The following TMC1 variants were observed in gnomAD, a reference collection of about 807,000 sequenced individuals.
TMC1 encodes transmembrane channel-like protein 1.
TMC1 carries 84 observed loss-of-function variants against 105.8 expected under a neutral mutation model. The observed-to-expected ratio is 0.79, with a 90% CI of 0.67 to 0.95. The LOEUF is 0.95. Among genes scored for constraint, TMC1 ranks in the 40% least tolerant of loss-of-function variants. TMC1 has a pLI of 0.00. For synonymous variants in TMC1, 315 were observed against 311.5 expected (o/e 1.01, Z -0.12); for missense variants, 817 against 914.1 (o/e 0.89, Z 1.37).
intron 3 of TMC1, among the ~76,000 whole-genome samples, chr9:72,622,321 G>C (rs1825267513): frequency 6.6e-6 from 1 of 152,172 alleles, no homozygotes; most frequent in South Asian, 2.1e-4. Context: ...ATGATAGATT[G>C]CTTTTATGGA....
At chr9:72,742,588 C>G in intron 10 of TMC1, 63 bp downstream of exon 10, 3 of 1,330,282 alleles carry the variant, frequency 2.3e-6, no homozygotes, top group Non-Finnish European at 3.2e-6. Flanking sequence ...ATAAGCTTAT[C>G]AGATGCCTTT....
intron 1 of TMC1, among the ~76,000 whole-genome samples, chr9:72,569,400 A>G (rs1824228791): frequency 6.6e-6 from 1 of 152,166 alleles, no homozygotes; most frequent in Admixed American, 6.5e-5. Flanking sequence ...AACAGCTTCT[A>G]TTTGGTATAC....
In TMC1 at chr9:72,735,070, C is replaced by T. The variant is rs572636406; in HGVS notation, c.363-5049C>T. 5.9e-5 allele frequency among the ~76,000 whole-genome samples: 9 copies of T among 152,278 alleles called. No homozygotes were observed. The East Asian group carries it at 7.7e-4, about 13-fold the overall frequency. ...CTTATTATTCTAATTACCAACACAA[C>T]GGATTGATAAATGAATGATGAGGCC... On this transcript the variant is annotated intron_variant, in intron 8 of 23. Coordinates refer to ENST00000297784, the MANE Select transcript of TMC1 (RefSeq NM_138691.3).
At chr9:72,609,228 CCTTT>C (rs1824982307) in intron 2 of TMC1, among the ~76,000 whole-genome samples, 2 of 142,170 alleles carry the variant, frequency 1.4e-5, no homozygotes, top group Non-Finnish European at 3.1e-5. Context: ...TTCCTTCCTT[CCTTT>C]TTGCTATTAA....
chr9:72,528,600 C>A (rs1823446219), intron 1 of TMC1, among the ~76,000 whole-genome samples: 1 of 152,134 alleles, frequency 6.6e-6, no homozygotes, highest in African/African-American at 2.4e-5. Context: ...TCCCAAAGTG[C>A]TAGGGTTACA....
intron 12 of TMC1, among the ~76,000 whole-genome samples, chr9:72,760,945 C>T (rs866508674): frequency 4.6e-5 from 7 of 152,170 alleles, no homozygotes; most frequent in African/African-American, 1.7e-4. Flanking sequence ...AAATTCTCTT[C>T]AGTTAATAGT....
chr9:72,773,893 T>A (rs1827969141), intron 13 of TMC1, among the ~76,000 whole-genome samples: 1 of 152,182 alleles, frequency 6.6e-6, no homozygotes, highest in South Asian at 2.1e-4. Context: ...AACAGATGGC[T>A]CAACTGCTTT....
At chr9:72,639,607 A>G (rs961648780) in intron 4 of TMC1, among the ~76,000 whole-genome samples, 3 of 152,212 alleles carry the variant, frequency 2.0e-5, no homozygotes, top group Non-Finnish European at 4.4e-5. Context: ...GCTGGTCTTC[A>G]GATATGTTGG....
intron 2 of TMC1, among the ~76,000 whole-genome samples, chr9:72,610,309 A>T (rs1825003063): frequency 6.6e-6 from 1 of 152,206 alleles, no homozygotes; most frequent in Admixed American, 6.5e-5. Context: ...TCATTATAAG[A>T]AATTGGCTCA....
chr9:72,663,275 T>C (rs900165728), intron 5 of TMC1, among the ~76,000 whole-genome samples: 5 of 152,154 alleles, frequency 3.3e-5, no homozygotes, highest in African/African-American at 1.2e-4. Context: ...ACAGGACTGG[T>C]TGGTGGGTCC....
At chr9:72,772,299 C>A in intron 12 of TMC1, 114 bp from the exon 13 acceptor site, 1 of 1,342,694 alleles carries the variant, frequency 7.4e-7, no homozygotes, top group Non-Finnish European at 1.1e-6. Flanking sequence ...CATGTCAGAG[C>A]TGTGACCCAA....
rs1210996950 is a variant in TMC1, at chr9:72,699,172, A to T, written c.237-1346A>T. On this transcript the variant is annotated intron_variant, in intron 7 of 23. Transcript: ENST00000297784. ...CTACAATGTGGTATTGCATGCCTCG[A>T]TTTAAAATTATGTTGCTCTTGTTTA... is the stretch of plus-strand genomic sequence containing the variant. Among the ~76,000 whole-genome samples, 3 of 152,160 alleles carry T rather than the reference A, an allele frequency of 2.0e-5. No individual in the cohort carries two copies. In the East Asian group the frequency reaches 5.8e-4, roughly 29 times the overall value.
At chr9:72,636,222 C>T (rs1330660522) in intron 4 of TMC1, among the ~76,000 whole-genome samples, 4 of 152,176 alleles carry the variant, frequency 2.6e-5, no homozygotes, top group African/African-American at 9.7e-5. Context: ...TGGGCTTAGA[C>T]TATTCTAAGA....
intron 1 of TMC1, among the ~76,000 whole-genome samples, chr9:72,523,078 T>C (rs1823343124): frequency 6.6e-6 from 1 of 152,146 alleles, no homozygotes; most frequent in Non-Finnish European, 1.5e-5. Context: ...GAGAAACAGA[T>C]AAGACAGAAG....
chr9:72,572,930 T>C, intron 1 of TMC1, among the ~76,000 whole-genome samples: 1 of 152,130 alleles, frequency 6.6e-6, no homozygotes, highest in Non-Finnish European at 1.5e-5. Flanking sequence ...AGGTGGAGGC[T>C]GTGGTAAGCC....
At position 72,788,418 on chromosome 9, in the gene TMC1, G is replaced by A. The variant is rs779905040; in HGVS notation, c.964G>A (p.Asp322Asn). 1.2e-6 allele frequency: 2 copies of A among 1,613,968 alleles called. No individual in the cohort carries two copies. Among genetic ancestry groups the A allele is most frequent in the African/African-American group, 1.3e-5 (1 of 75,030 alleles). ...CAGCTGGAAGGTCTTTACCAGCTGG[G>A]ACTACCTGATCGGCAATCCTGAAAC... Reference protein sequence around the residue: ...NFSWKVFTSWDYLIGNPETAD... With the variant: ...NFSWKVFTSWNYLIGNPETAD... Residue 322 changes from aspartate (D) to asparagine (N), a missense_variant, in exon 14 of 24, where the codon GAC becomes AAC. Coordinates refer to ENST00000297784, the MANE Select transcript of TMC1 (RefSeq NM_138691.3).
chr9:72,613,234 C>T (rs1237157479), intron 2 of TMC1, among the ~76,000 whole-genome samples: 3 of 151,122 alleles, frequency 2.0e-5, no homozygotes, highest in Admixed American at 6.6e-5. Context: ...CGGGTTCAAG[C>T]GATTCTCCTG....
At chr9:72,682,190 A>G (rs780267197) in intron 5 of TMC1, among the ~76,000 whole-genome samples, 1 of 152,194 alleles carries the variant, frequency 6.6e-6, no homozygotes, top group Admixed American at 6.5e-5. Flanking sequence ...CATTTATTAC[A>G]AAAGTTTCCA....
rs17557247 is a variant in TMC1 at position 72,588,739 on chromosome 9, C to T, written c.-306+10716C>T. 5.1e-3 allele frequency among the ~76,000 whole-genome samples: 770 copies of T among 151,948 alleles called. 4 individuals are homozygous for T. Among genetic ancestry groups the T allele is most frequent in the Admixed American group, 0.012 (187 of 15,250 alleles). On this transcript the variant is annotated intron_variant, in intron 2 of 23. Coordinates refer to ENST00000297784, the MANE Select transcript of TMC1 (RefSeq NM_138691.3). ...CAAAGAATGTGGAGGCCCCAGAAAA[C>T]TGCTTCCCAGGTAAGTGACAGGATA... is the stretch of plus-strand genomic sequence containing the variant.
Sources: allele counts gnomAD v4.1 joint callset (sites outside exome capture counted in the v4.1 genomes callset), GRCh38; gene constraint gnomAD v4.1.1; transcripts MANE v1.5; gene names NCBI Gene and HGNC (gene_info 2026-07-23, HGNC 2026-07-21).